ZNF146: variants seen among roughly 807,000 people sequenced by gnomAD.
The protein encoded by ZNF146 is zinc finger protein OZF.
ZNF146 carries 9 observed loss-of-function variants against 22.2 expected under a neutral mutation model. That is an observed-to-expected ratio of 0.41 (90% CI 0.24 to 0.71). ZNF146 has a LOEUF of 0.71. Among genes scored for constraint, ZNF146 ranks in the 30% least tolerant of loss-of-function variants. The pLI, the probability that ZNF146 is intolerant of heterozygous loss-of-function variation, is 0.34. For missense variants in ZNF146, 194 were observed against 344.8 expected (o/e 0.56, Z 3.46); for synonymous variants, 108 against 119.2 (o/e 0.91, Z 0.61).
At chr19:36,230,430 A>T (rs543656582) in intron 3 of ZNF146, among the ~76,000 whole-genome samples, 2 of 152,332 alleles carry the variant, frequency 1.3e-5, no homozygotes, top group South Asian at 4.1e-4. Context: ...TCAGATAGTG[A>T]TAAGTGCTAT....
rs545347597 is a variant in ZNF146, at chr19:36,223,192, A to G, written c.-855+4997A>G. Among the ~76,000 whole-genome samples the G allele has an allele frequency of 4.0e-5, 6 of 151,798 alleles. No homozygotes were observed. The South Asian group carries it at 1.3e-3, about 32-fold the overall frequency. ...AGCACTTTGGGAGGCTGAGGCGGGTAGATCACTTGAGGTCAGGAGTTTGAG... is the reference window on the plus strand; with the variant it reads ...AGCACTTTGGGAGGCTGAGGCGGGTGGATCACTTGAGGTCAGGAGTTTGAG... On this transcript the variant is annotated intron_variant, in intron 2 of 3. Transcript: ENST00000443387.
At position 36,215,167 on chromosome 19, in the gene ZNF146, C is replaced by T. The variant is rs924127068; in HGVS notation, c.-958C>T. On this transcript the variant is annotated 5_prime_UTR_variant, in exon 1 of 4. Coordinates refer to ENST00000443387, the MANE Select transcript of ZNF146 (RefSeq NM_007145.3). ...GTCTTTGTCCGCGGGTCAGTACGGC[C>T]CCTGGGTCCACGTGGCGCGAAAGTA... is the stretch of plus-strand genomic sequence containing the variant. The T allele has an allele frequency of 6.6e-6, 1 of 152,210 alleles. No homozygotes were observed. The highest frequency in any genetic ancestry group is 2.1e-4 in the South Asian group (1 of 4,822). The allele number at this position is 152,210 out of a possible 1,614,324, so 9.4% of individuals were successfully genotyped here.
At chr19:36,235,540 CAAAT>C (rs1977615254) in intron 3 of ZNF146, 115 bp from the exon 4 acceptor site, 1 of 151,996 alleles carries the variant, frequency 6.6e-6, no homozygotes, top group African/African-American at 2.4e-5. Flanking sequence ...GGAAAATTAA[CAAAT>C]AAAAGTGATA....
intron 2 of ZNF146, among the ~76,000 whole-genome samples, chr19:36,222,007 G>A (rs1976868269): frequency 7.3e-6 from 1 of 136,604 alleles, no homozygotes; most frequent in Admixed American, 8.6e-5. Context: ...ATGGCATACT[G>A]CAGCCTCCAA....
chr19:36,235,217 AAAAG>A, intron 3 of ZNF146, among the ~76,000 whole-genome samples: 1 of 118,102 alleles, frequency 8.5e-6, no homozygotes, highest in South Asian at 2.4e-4. Flanking sequence ...CAAAAAAAAA[AAAAG>A]AAGAAAGAAA....
chr19:36,237,547 T>C lies in ZNF146; in HGVS notation c.*228T>C, dbSNP rs1356167402. On this transcript the variant is annotated 3_prime_UTR_variant, in exon 4 of 4. Coordinates refer to ENST00000443387, the MANE Select transcript of ZNF146 (RefSeq NM_007145.3). ...TGCAGCAGAGATAATGGTGAAAGTT[T>C]AGGCACATTTTCACTAAAAGTGGGA... 1.0e-5 allele frequency: 4 copies of C among 387,830 alleles called. No homozygotes were observed. The highest frequency in any genetic ancestry group is 1.8e-5 in the Non-Finnish European group (4 of 217,370). The allele number at this position is 387,830 out of a possible 1,614,324, so 24.0% of individuals were successfully genotyped here.
intron 2 of ZNF146, among the ~76,000 whole-genome samples, chr19:36,221,924 T>C (rs1022272677): frequency 1.6e-5 from 2 of 125,106 alleles, no homozygotes; most frequent in Admixed American, 8.8e-5. Context: ...TCCTTTTTTC[T>C]TTCTTTTTTT....
rs1262944043 is a variant in ZNF146, at chr19:36,222,024, G to A, written c.-855+3829G>A. On this transcript the variant is annotated intron_variant, in intron 2 of 3. Coordinates refer to ENST00000443387, the MANE Select transcript of ZNF146 (RefSeq NM_007145.3). Reference sequence around the variant, plus strand: ...GGCATACTGCAGCCTCCAACTGCTGGGCTGAAGTGATCTTCCTGCCTCAGC... The same window carrying A: ...GGCATACTGCAGCCTCCAACTGCTGAGCTGAAGTGATCTTCCTGCCTCAGC... Among the ~76,000 whole-genome samples, 5 of 150,086 alleles carry A rather than the reference G, an allele frequency of 3.3e-5. No individual in the cohort carries two copies. In the East Asian group the frequency reaches 5.9e-4, roughly 18 times the overall value.
chr19:36,226,873 G>A (rs929733721), intron 2 of ZNF146, among the ~76,000 whole-genome samples: 3 of 152,022 alleles, frequency 2.0e-5, no homozygotes, highest in African/African-American at 7.2e-5. Flanking sequence ...ATCACCTGTG[G>A]TCGGGAGTTT....
intron 3 of ZNF146, among the ~76,000 whole-genome samples, chr19:36,234,080 G>C (rs552564545): frequency 6.6e-6 from 1 of 152,162 alleles, no homozygotes; most frequent in Non-Finnish European, 1.5e-5. Flanking sequence ...AGGGAGTGGT[G>C]ATGACTCTTA....
In ZNF146 at chr19:36,236,785, C is replaced by T. The variant is rs369142601; in HGVS notation, c.345C>T (p.Leu115=). 1.2e-6 allele frequency: 2 copies of T among 1,614,008 alleles called. No homozygotes were observed. The highest frequency in any genetic ancestry group is 1.7e-5 in the Admixed American group (1 of 60,004). The part of the protein sequence containing the change: ...CGKAFIQKSN[L]IRHQRTHTGE... ...AAGCTTTCATTCAGAAGTCAAACCT[C>T]ATCAGACACCAGAGAACTCACACAG... The change falls in exon 4 of 4, where the codon CTC becomes CTT. Residue 115 remains leucine (L), a synonymous_variant. Coordinates refer to ENST00000443387, the MANE Select transcript of ZNF146 (RefSeq NM_007145.3).
chr19:36,222,388 A>G (rs1976885185), intron 2 of ZNF146, among the ~76,000 whole-genome samples: 1 of 152,326 alleles, frequency 6.6e-6, no homozygotes, highest in African/African-American at 2.4e-5. Flanking sequence ...GCAGTAATGA[A>G]TAATTTTTTT....
intron 2 of ZNF146, among the ~76,000 whole-genome samples, chr19:36,221,927 C>CTTTTT (rs60347994): frequency 4.7e-3 from 516 of 109,772 alleles, no homozygotes; most frequent in Non-Finnish European, 6.2e-3. Context: ...TTTTTTCTTT[C>CTTTTT]TTTTTTTTTT....
At position 36,234,627 on chromosome 19, in the gene ZNF146, G is replaced by C. The variant is rs143428094; in HGVS notation, c.-782-1032G>C. 1.6e-3 allele frequency among the ~76,000 whole-genome samples: 248 copies of C among 152,298 alleles called. 2 individuals are homozygous for C. Among genetic ancestry groups the C allele is most frequent in the African/African-American group, 5.8e-3 (239 of 41,562 alleles). ...TTAGCCAGGATGGTCTTGATCTCCT[G>C]ACCTCGTGATCCGCCCACCTCGGCC... On this transcript the variant is annotated intron_variant, in intron 3 of 3. Transcript: ENST00000443387.
chr19:36,215,362 G>A (rs1369316906), intron 1 of ZNF146, among the ~76,000 whole-genome samples, 166 bp downstream of exon 1: 1 of 152,148 alleles, frequency 6.6e-6, no homozygotes, highest in Non-Finnish European at 1.5e-5. Flanking sequence ...GTGTGACCGA[G>A]TTTGTCCTCA....
chr19:36,220,026 C>T (rs1011997774), intron 2 of ZNF146, among the ~76,000 whole-genome samples: 4 of 152,044 alleles, frequency 2.6e-5, no homozygotes, highest in African/African-American at 9.7e-5. Context: ...CAGTGGATAC[C>T]CCTTCAGGTC....
chr19:36,215,057 C>T (rs1976537596), upstream of ZNF146: 1 of 152,292 alleles, frequency 6.6e-6, no homozygotes, highest in South Asian at 2.1e-4. Context: ...CCGCGGTGAC[C>T]GAGGCGGGCC....
At position 36,236,639 on chromosome 19, in the gene ZNF146, A is replaced by G. The variant is rs1455376995; in HGVS notation, c.199A>G (p.Thr67Ala). 4 of 1,614,044 alleles carry G rather than the reference A, an allele frequency of 2.5e-6. No homozygotes were observed. Among genetic ancestry groups the G allele is most frequent in the Admixed American group, 1.7e-5 (1 of 59,998 alleles). Residue 67 changes from threonine to alanine, a missense_variant, in exon 4 of 4, where the codon ACT becomes GCT. Thr to Ala is a moderately conservative substitution (Grantham distance 58). Coordinates refer to ENST00000443387, the MANE Select transcript of ZNF146 (RefSeq NM_007145.3). ...QYVIKHQNTH[T>A]GEKLFECNEC... ...TGTCATTAAACATCAGAACACCCAT[A>G]CTGGCGAGAAGCTTTTCGAATGTAA...
chr19:36,226,365 G>A (rs1304363590), intron 2 of ZNF146, among the ~76,000 whole-genome samples: 1 of 152,144 alleles, frequency 6.6e-6, no homozygotes, highest in African/African-American at 2.4e-5. Flanking sequence ...TAGGAATTGG[G>A]TGATCAAGCT....
Sources: gnomAD v4.1 joint callset for allele counts (sites outside exome capture counted in the v4.1 genomes callset) on GRCh38, gnomAD v4.1.1 for gene constraint, MANE v1.5 for transcripts, NCBI Gene and HGNC (gene_info 2026-07-23, HGNC 2026-07-21) for gene names.